The following ENTREP2 variants were observed in gnomAD, a reference collection of about 807,000 sequenced individuals.
ENTREP2 encodes the protein protein ENTREP2.
chr15:29,642,523 T>C, the ENTREP2 span, among the ~76,000 whole-genome samples: 24 of 147,996 alleles, frequency 1.6e-4, no homozygotes, highest in Admixed American at 6.1e-4. Flanking sequence ...TATACATATA[T>C]ACACATATAT....
At chr15:29,148,316 C>T in the ENTREP2 span, among the ~76,000 whole-genome samples, 7 of 152,136 alleles carry the variant, frequency 4.6e-5, no homozygotes, top group African/African-American at 1.7e-4. Context: ...AGCTGTTACC[C>T]GATCCCCCAT....
the ENTREP2 span, among the ~76,000 whole-genome samples, chr15:29,568,358 G>C: frequency 6.6e-6 from 1 of 152,248 alleles, no homozygotes; most frequent in East Asian, 1.9e-4. Context: ...ATACATAGGA[G>C]AACTGTGTGG....
chr15:29,306,027 T>C, the ENTREP2 span, among the ~76,000 whole-genome samples: 77 of 152,350 alleles, frequency 5.1e-4, no homozygotes, highest in Non-Finnish European at 8.1e-4. Flanking sequence ...TTTCAAATGT[T>C]GCTGTGGGGT....
the ENTREP2 span, among the ~76,000 whole-genome samples, chr15:29,608,263 T>TG: frequency 6.6e-6 from 1 of 152,100 alleles, no homozygotes; most frequent in Non-Finnish European, 1.5e-5. Context: ...ACAAAGGCCA[T>TG]GTTAAGGAAT....
chr15:29,193,092 G>T, the ENTREP2 span, among the ~76,000 whole-genome samples: 2 of 152,170 alleles, frequency 1.3e-5, no homozygotes, highest in African/African-American at 4.8e-5. Flanking sequence ...ACTCTACGGG[G>T]CGGTCTAGTC....
the ENTREP2 span, among the ~76,000 whole-genome samples, chr15:29,402,742 C>T: frequency 2.0e-5 from 3 of 152,184 alleles, no homozygotes; most frequent in Non-Finnish European, 4.4e-5. Flanking sequence ...TAAAGAAAAT[C>T]AGCAGCTGCA....
the ENTREP2 span, among the ~76,000 whole-genome samples, chr15:29,402,292 T>G: frequency 7.6e-6 from 1 of 131,700 alleles, no homozygotes; most frequent in African/African-American, 2.7e-5. Context: ...GTATATTGTA[T>G]TGTGTGTGTG....
the ENTREP2 span, among the ~76,000 whole-genome samples, chr15:29,259,888 A>G: frequency 2.0e-5 from 3 of 152,152 alleles, no homozygotes; most frequent in African/African-American, 7.2e-5. Flanking sequence ...CCTCTGTACA[A>G]ATTGAAGTTG....
chr15:29,652,063 C>T, the ENTREP2 span, among the ~76,000 whole-genome samples: 2 of 152,190 alleles, frequency 1.3e-5, no homozygotes, highest in Admixed American at 1.3e-4. Flanking sequence ...TGCACTTCCC[C>T]ACCCTGAGGC....
chr15:29,613,388 G>A, the ENTREP2 span: 1 of 426,380 alleles, frequency 2.3e-6, no homozygotes, highest in Non-Finnish European at 4.8e-6. Flanking sequence ...ATGTGCAGAA[G>A]GAAGCTGAGA....
the ENTREP2 span, among the ~76,000 whole-genome samples, chr15:29,507,892 T>C: frequency 1.3e-5 from 2 of 151,602 alleles, no homozygotes; most frequent in Non-Finnish European, 2.9e-5. Flanking sequence ...AGACAAGAAA[T>C]AACTAAGACC....
At chr15:29,119,404 T>A in the ENTREP2 span, among the ~76,000 whole-genome samples, 2 of 13,824 alleles carry the variant, frequency 1.4e-4, 1 homozygote, top group Non-Finnish European at 4.8e-4. Context: ...AACAATGAGA[T>A]CACATGGACA....
At chr15:29,674,182 G>A in the ENTREP2 span, among the ~76,000 whole-genome samples, 1 of 147,186 alleles carries the variant, frequency 6.8e-6, no homozygotes, top group South Asian at 2.2e-4. Context: ...AGGGGACCAG[G>A]AAGCCTGTAT....
the ENTREP2 span, chr15:29,126,472 G>A: frequency 9.7e-6 from 15 of 1,550,038 alleles, no homozygotes; most frequent in Non-Finnish European, 1.1e-5. Context: ...ACACCAGGAG[G>A]CTTGTGCTGT....
the ENTREP2 span, among the ~76,000 whole-genome samples, chr15:29,554,591 A>G: frequency 6.8e-6 from 1 of 147,004 alleles, no homozygotes; most frequent in Non-Finnish European, 1.5e-5. Flanking sequence ...CTTTGTCTTT[A>G]TGGGATTTAG....
the ENTREP2 span, among the ~76,000 whole-genome samples, chr15:29,630,194 G>A: frequency 2.6e-5 from 4 of 152,146 alleles, no homozygotes; most frequent in South Asian, 2.1e-4. Flanking sequence ...CTTTGTCTGC[G>A]AATGTCTTTA....
At chr15:29,602,918 G>A in the ENTREP2 span, among the ~76,000 whole-genome samples, 1 of 152,206 alleles carries the variant, frequency 6.6e-6, no homozygotes, top group Admixed American at 6.5e-5. Flanking sequence ...CAGGCCAAGA[G>A]AACGTGCATG....
chr15:29,359,413 T>A, the ENTREP2 span, among the ~76,000 whole-genome samples: 2 of 152,040 alleles, frequency 1.3e-5, no homozygotes, highest in African/African-American at 4.8e-5. Context: ...TTTTAAAACT[T>A]CTTTTTTTCT....
the ENTREP2 span, among the ~76,000 whole-genome samples, chr15:29,360,915 T>C: frequency 9.8e-5 from 15 of 152,346 alleles, no homozygotes; most frequent in South Asian, 2.9e-3. Context: ...CCAGGAGTGC[T>C]GGAGCACAGG....
Sources: gnomAD v4.1 joint callset for allele counts (sites outside exome capture counted in the v4.1 genomes callset) on GRCh38, gnomAD v4.1.1 for gene constraint, MANE v1.5 for transcripts, NCBI Gene and HGNC (gene_info 2026-07-23, HGNC 2026-07-21) for gene names.